The following CA10 variants were observed in gnomAD, a reference collection of about 807,000 sequenced individuals.
CA10 encodes carbonic anhydrase 10 (inactive), also known as carbonic anhydrase-related protein 10.
CA10 carries 14 observed loss-of-function variants against 44.2 expected under a neutral mutation model. The observed-to-expected ratio is 0.32, with a 90% CI of 0.21 to 0.50. The LOEUF is 0.50. Ranked by LOEUF, CA10 falls within the 20% of genes least tolerant of loss-of-function variation. CA10 has a pLI of 0.99. For missense variants in CA10, 350 were observed against 409.7 expected, an observed-to-expected ratio of 0.85 and a Z score of 1.26; for synonymous variants, 159 against 141.6, an observed-to-expected ratio of 1.12 and a Z score of -0.87.
intron 2 of CA10, among the ~76,000 whole-genome samples, chr17:52,036,514 T>G (rs1050334055): frequency 6.6e-6 from 1 of 152,058 alleles, no homozygotes; most frequent in African/African-American, 2.4e-5. Flanking sequence ...CTGGAGTATC[T>G]TGAAGAATAA....
intron 3 of CA10, among the ~76,000 whole-genome samples, chr17:51,799,983 A>G (rs1906862711): frequency 6.6e-6 from 1 of 152,224 alleles, no homozygotes; most frequent in Middle Eastern, 3.2e-3. Context: ...GCATAGAGTT[A>G]CCTTTTGATA....
At chr17:51,966,239 C>A (rs569508454) in intron 2 of CA10, among the ~76,000 whole-genome samples, 45 of 152,026 alleles carry the variant, frequency 3.0e-4, no homozygotes, top group African/African-American at 1.0e-3. Flanking sequence ...ACATTCCATA[C>A]TCACAAATTG....
chr17:51,931,133 C>A lies in CA10; in HGVS notation c.137-1G>T. 6.2e-7 allele frequency: 1 copy of A among 1,612,500 alleles called. No individual in the cohort carries two copies. Among genetic ancestry groups the A allele is most frequent in the Non-Finnish European group, 8.5e-7 (1 of 1,179,348 alleles). ...TTCACCAATCCCCAGAAAGAAGGAA[C>A]TAGAAACAAAAAGAAATTATAGAAT... On this transcript the variant is annotated splice_acceptor_variant, in intron 2 of 8. Transcript: ENST00000451037. LOFTEE classifies it high-confidence loss of function.
chr17:51,957,744 C>G (rs749914105), intron 2 of CA10, among the ~76,000 whole-genome samples: 49 of 152,086 alleles, frequency 3.2e-4, no homozygotes, highest in Non-Finnish European at 5.9e-4. Flanking sequence ...CTATATTCAA[C>G]TATTTTCTGC....
chr17:51,719,195 C>T (rs868301423), intron 4 of CA10, among the ~76,000 whole-genome samples: 1 of 152,158 alleles, frequency 6.6e-6, no homozygotes, highest in South Asian at 2.1e-4. Context: ...GCCACCAGAA[C>T]CCCCACATAA....
chr17:51,674,806 A>G (rs1914557974), intron 4 of CA10, among the ~76,000 whole-genome samples: 1 of 152,186 alleles, frequency 6.6e-6, no homozygotes, highest in African/African-American at 2.4e-5. Flanking sequence ...AATACCATTT[A>G]ATACCACCCA....
chr17:51,969,718 A>C (rs1307327883), intron 2 of CA10, among the ~76,000 whole-genome samples: 1 of 152,022 alleles, frequency 6.6e-6, no homozygotes, highest in Non-Finnish European at 1.5e-5. Flanking sequence ...GTGTTAAGCA[A>C]TGGAGATTAG....
chr17:52,013,880 A>G (rs1985885912), intron 2 of CA10, among the ~76,000 whole-genome samples: 1 of 151,924 alleles, frequency 6.6e-6, no homozygotes, highest in African/African-American at 2.4e-5. Context: ...TTCCCCATTC[A>G]TGGAGCGCTT....
chr17:51,781,085 G>A (rs2143677179), intron 3 of CA10, among the ~76,000 whole-genome samples: 1 of 152,304 alleles, frequency 6.6e-6, no homozygotes, highest in South Asian at 2.1e-4. Context: ...TGGGGAGGAA[G>A]AACTGGGAGG....
intron 1 of CA10, among the ~76,000 whole-genome samples, chr17:52,151,119 A>G (rs1179806492): frequency 5.3e-5 from 8 of 152,120 alleles, no homozygotes; most frequent in Non-Finnish European, 1.0e-4. Flanking sequence ...CACAAACCTG[A>G]TTACGTCATT....
At chr17:52,083,636 T>C (rs1210582867) in intron 1 of CA10, among the ~76,000 whole-genome samples, 1 of 151,698 alleles carries the variant, frequency 6.6e-6, no homozygotes, top group Non-Finnish European at 1.5e-5. Flanking sequence ...TTATAGCTTA[T>C]AGCTCTCACT....
At chr17:52,074,664 A>C (rs751997358) in intron 1 of CA10, among the ~76,000 whole-genome samples, 4 of 152,184 alleles carry the variant, frequency 2.6e-5, no homozygotes, top group Non-Finnish European at 5.9e-5. Flanking sequence ...AAATTTTTAC[A>C]GTGTTTACAC....
chr17:51,793,391 G>C (rs147042640), intron 3 of CA10, among the ~76,000 whole-genome samples: 45 of 152,316 alleles, frequency 3.0e-4, no homozygotes, highest in African/African-American at 9.9e-4. Context: ...GCCCCTATCA[G>C]TTAGCCACAT....
intron 6 of CA10, among the ~76,000 whole-genome samples, chr17:51,645,359 C>T (rs1049373393): frequency 6.6e-6 from 1 of 152,082 alleles, no homozygotes; most frequent in African/African-American, 2.4e-5. Context: ...GAAGACTGAC[C>T]CCCTCTAGAA....
At position 52,158,281 on chromosome 17, in the gene CA10, G is replaced by A. The variant is rs1359416018; in HGVS notation, c.-495C>T. The A allele has an allele frequency of 9.5e-6, 2 of 211,484 alleles. No homozygotes were observed. The highest frequency in any genetic ancestry group is 1.9e-5 in the Non-Finnish European group (2 of 104,060). The allele number at this position is 211,484 out of a possible 1,614,324, so 13.1% of individuals were successfully genotyped here. On this transcript the variant is annotated 5_prime_UTR_variant, in exon 1 of 9. Coordinates refer to ENST00000451037, the MANE Select transcript of CA10 (RefSeq NM_020178.5). ...CGCGTAGCTCGCTGGCTAAGCCCAG[G>A]CAGTCCGCGGCAAGTTGCCCTCGAA...
At chr17:52,047,902 G>A (rs953798823) in intron 2 of CA10, among the ~76,000 whole-genome samples, 2 of 151,464 alleles carry the variant, frequency 1.3e-5, no homozygotes, top group African/African-American at 4.8e-5. Flanking sequence ...TATGTTTTAT[G>A]GTGAAACAAT....
chr17:51,860,856 C>G (rs964402231), intron 3 of CA10, among the ~76,000 whole-genome samples: 1 of 152,050 alleles, frequency 6.6e-6, no homozygotes, highest in Non-Finnish European at 1.5e-5. Context: ...TTTGGGGAAG[C>G]AAACAAAAAT....
At chr17:51,833,791 ATTAT>A (rs1908372762) in intron 3 of CA10, among the ~76,000 whole-genome samples, 1 of 152,222 alleles carries the variant, frequency 6.6e-6, no homozygotes, top group Admixed American at 6.5e-5. Context: ...CTGGGAGAAA[ATTAT>A]GGTAACACAG....
chr17:51,808,515 TTTTG>T (rs1907223584), intron 3 of CA10, among the ~76,000 whole-genome samples: 1 of 152,216 alleles, frequency 6.6e-6, no homozygotes. Context: ...TTTGATTTTG[TTTTG>T]TTTTAGGGCA....
Sources: gnomAD v4.1 joint callset for allele counts (sites outside exome capture counted in the v4.1 genomes callset) on GRCh38, gnomAD v4.1.1 for gene constraint, MANE v1.5 for transcripts, NCBI Gene and HGNC (gene_info 2026-07-23, HGNC 2026-07-21) for gene names.